Variants in SUGCT observed in about 807,000 individuals in gnomAD.
The protein encoded by SUGCT is succinyl-CoA:glutarate CoA-transferase.
SUGCT carries 41 observed loss-of-function variants against 55.0 expected under a neutral mutation model. That is an observed-to-expected ratio of 0.74 (90% CI 0.58 to 0.97). The LOEUF (loss-of-function observed/expected upper bound fraction) is 0.97, where lower values mean the gene tolerates loss of function less well. Ranked by LOEUF, SUGCT falls within the 50% of genes least tolerant of loss-of-function variation. The pLI, the probability that SUGCT is intolerant of heterozygous loss-of-function variation, is 0.00. For synonymous variants in SUGCT, 187 were observed against 200.4 expected (o/e 0.93, Z 0.56); for missense variants, 568 against 547.8 (o/e 1.04, Z -0.37).
intron 13 of SUGCT, among the ~76,000 whole-genome samples, chr7:40,776,802 C>A (rs1157689540): frequency 6.6e-6 from 1 of 152,154 alleles, no homozygotes; most frequent in East Asian, 1.9e-4. Flanking sequence ...CTCATCAATC[C>A]CAGGCTCTTT....
chr7:40,700,375 A>G (rs1325525845), intron 12 of SUGCT, among the ~76,000 whole-genome samples: 1 of 152,170 alleles, frequency 6.6e-6, no homozygotes, highest in Non-Finnish European at 1.5e-5. Context: ...TTACATTGTA[A>G]GATTTAAGTG....
At chr7:40,522,261 A>G (rs1793572545) in intron 12 of SUGCT, among the ~76,000 whole-genome samples, 1 of 152,098 alleles carries the variant, frequency 6.6e-6, no homozygotes, top group Non-Finnish European at 1.5e-5. Context: ...ATTAATTTCA[A>G]AATGTACTGT....
chr7:40,206,525 C>T (rs1175499897), intron 6 of SUGCT, among the ~76,000 whole-genome samples: 1 of 152,086 alleles, frequency 6.6e-6, no homozygotes, highest in African/African-American at 2.4e-5. Context: ...ATATATTATG[C>T]ACAAAGGTTT....
intron 7 of SUGCT, among the ~76,000 whole-genome samples, chr7:40,256,778 C>T (rs1414195561): frequency 6.6e-6 from 1 of 152,170 alleles, no homozygotes; most frequent in African/African-American, 2.4e-5. Flanking sequence ...GAGTCTCACT[C>T]TGTCACCCAG....
At chr7:40,886,037 A>C in the SUGCT span, among the ~76,000 whole-genome samples, 1 of 152,198 alleles carries the variant, frequency 6.6e-6, no homozygotes, top group African/African-American at 2.4e-5. Context: ...TGTGGCCTGG[A>C]AAGTGTCAGT....
intron 13 of SUGCT, among the ~76,000 whole-genome samples, chr7:40,750,332 T>C (rs1562980364): frequency 6.6e-6 from 1 of 152,254 alleles, no homozygotes; most frequent in Admixed American, 6.5e-5. Flanking sequence ...CCATATTTTC[T>C]AGACTAAACA....
chr7:40,412,808 T>C (rs545042861), intron 9 of SUGCT, among the ~76,000 whole-genome samples: 1 of 152,198 alleles, frequency 6.6e-6, no homozygotes, highest in African/African-American at 2.4e-5. Flanking sequence ...TTGTTTTTTC[T>C]TAGCTCATCT....
At chr7:40,828,147 A>G (rs1792442695) in intron 13 of SUGCT, among the ~76,000 whole-genome samples, 1 of 152,234 alleles carries the variant, frequency 6.6e-6, no homozygotes, top group African/African-American at 2.4e-5. Flanking sequence ...ATAGAACAGT[A>G]ACAGTAACCA....
intron 9 of SUGCT, among the ~76,000 whole-genome samples, chr7:40,395,489 C>CAAAAAAAAAAAAAAAAAAAAAAA (rs36068766): frequency 2.2e-5 from 1 of 46,132 alleles, no homozygotes; most frequent in African/African-American, 7.4e-5. Context: ...AACTCTGTCT[C>CAAAAAAAAAAAAAAAAAAAAAAA]AAAAAAAAAA....
At chr7:41,022,277 A>G in the SUGCT span, among the ~76,000 whole-genome samples, 1 of 152,290 alleles carries the variant, frequency 6.6e-6, no homozygotes, top group Admixed American at 6.5e-5. Flanking sequence ...AGACCTGAAG[A>G]CAATAGAATA....
chr7:40,977,438 G>A, the SUGCT span, among the ~76,000 whole-genome samples: 1 of 152,200 alleles, frequency 6.6e-6, no homozygotes, highest in African/African-American at 2.4e-5. Flanking sequence ...TCTGTCATGA[G>A]TCTTTGCGAA....
At chr7:40,295,516 T>G (rs1433019200) in intron 8 of SUGCT, among the ~76,000 whole-genome samples, 1 of 152,136 alleles carries the variant, frequency 6.6e-6, no homozygotes, top group African/African-American at 2.4e-5. Flanking sequence ...ATGGAGTTTG[T>G]AGTGACCTGA....
At position 40,348,846 on chromosome 7, in the gene SUGCT, CAGTT is replaced by C. The variant is rs201365476; in HGVS notation, c.816+31995_816+31998del. On this transcript the variant is annotated intron_variant, in intron 9 of 13. Coordinates refer to ENST00000335693, the MANE Select transcript of SUGCT (RefSeq NM_001193313.2). ...TCTATTGTAATTTCTTTTGACTTCT[CAGTT>C]AGTGCTGTTGTTTCATAATCTCATG... is the stretch of plus-strand genomic sequence containing the variant. 7.3e-3 allele frequency among the ~76,000 whole-genome samples: 1,112 copies of C among 152,248 alleles called. 11 individuals are homozygous for C. Among genetic ancestry groups the C allele is most frequent in the Non-Finnish European group, 0.011 (778 of 68,018 alleles).
intron 8 of SUGCT, among the ~76,000 whole-genome samples, chr7:40,276,276 A>G (rs1792472632): frequency 6.6e-6 from 1 of 152,144 alleles, no homozygotes; most frequent in South Asian, 2.1e-4. Context: ...GAGGGTGCAG[A>G]AAGTCTTTTC....
At chr7:40,449,772 A>T (rs1320911759) in intron 10 of SUGCT, among the ~76,000 whole-genome samples, 1 of 151,712 alleles carries the variant, frequency 6.6e-6, no homozygotes, top group Non-Finnish European at 1.5e-5. Context: ...AGCTACTCCC[A>T]TATTTATTTT....
intron 12 of SUGCT, among the ~76,000 whole-genome samples, chr7:40,729,143 C>T (rs1786761722): frequency 6.6e-6 from 1 of 152,120 alleles, no homozygotes. Context: ...GTCTGTGATA[C>T]CTAATATTAT....
chr7:40,221,463 C>T (rs1256953409), intron 6 of SUGCT, among the ~76,000 whole-genome samples: 1 of 147,420 alleles, frequency 6.8e-6, no homozygotes, highest in Non-Finnish European at 1.5e-5. Flanking sequence ...TTTACATTAT[C>T]TATTTTTTAA....
At chr7:40,786,685 A>G (rs1790030482) in intron 13 of SUGCT, among the ~76,000 whole-genome samples, 1 of 151,766 alleles carries the variant, frequency 6.6e-6, no homozygotes, top group Non-Finnish European at 1.5e-5. Flanking sequence ...AGTATACAGG[A>G]GTGGTATTCA....
the SUGCT span, among the ~76,000 whole-genome samples, chr7:40,902,594 G>A: frequency 5.0e-4 from 45 of 89,724 alleles, no homozygotes; most frequent in African/African-American, 1.1e-3. Context: ...AAAAAAAAAA[G>A]AGAAAAAAAA....
Sources: allele counts gnomAD v4.1 joint callset (sites outside exome capture counted in the v4.1 genomes callset), GRCh38; gene constraint gnomAD v4.1.1; transcripts MANE v1.5; gene names NCBI Gene and HGNC (gene_info 2026-07-23, HGNC 2026-07-21).